The following CAMKMT variants were observed in gnomAD, a reference collection of about 807,000 sequenced individuals.
The protein encoded by CAMKMT is CaM KMT.
A neutral mutation model predicts 48.0 loss-of-function variants in CAMKMT; 53 were observed. The ratio of observed to expected loss-of-function variants is 1.10; its 90% CI spans 0.89 to 1.39. The LOEUF (loss-of-function observed/expected upper bound fraction) is 1.39, where lower values mean the gene tolerates loss of function less well. CAMKMT is among the 40% of genes most tolerant of loss of function. CAMKMT has a pLI of 0.00. For synonymous variants in CAMKMT, 165 were observed against 152.3 expected, an observed-to-expected ratio of 1.08 and a Z score of -0.61; for missense variants, 428 against 402.7, an observed-to-expected ratio of 1.06 and a Z score of -0.54.
At chr2:44,365,253 G>T (rs1009691095) in intron 1 of CAMKMT, among the ~76,000 whole-genome samples, 1 of 152,016 alleles carries the variant, frequency 6.6e-6, no homozygotes, top group Non-Finnish European at 1.5e-5. Flanking sequence ...ACCCTATAGA[G>T]CTCCAAGGCT....
intron 3 of CAMKMT, chr2:44,631,851 A>G (rs569451721): frequency 4.2e-6 from 1 of 239,108 alleles, no homozygotes; most frequent in Non-Finnish European, 7.9e-6. Context: ...TTTAGTGGCT[A>G]TACCTCTTTG....
At chr2:44,592,373 A>G (rs1431644730) in intron 3 of CAMKMT, among the ~76,000 whole-genome samples, 1 of 152,018 alleles carries the variant, frequency 6.6e-6, no homozygotes, top group Non-Finnish European at 1.5e-5. Context: ...GCATAATGTT[A>G]TTTATAATTT....
chr2:44,607,056 A>G (rs1370630091), intron 3 of CAMKMT, among the ~76,000 whole-genome samples: 1 of 152,192 alleles, frequency 6.6e-6, no homozygotes, highest in Non-Finnish European at 1.5e-5. Flanking sequence ...TGGTTTCAAG[A>G]AGTTATTTTG....
At chr2:44,601,095 C>G (rs1670959390) in intron 3 of CAMKMT, among the ~76,000 whole-genome samples, 1 of 151,912 alleles carries the variant, frequency 6.6e-6, no homozygotes, top group Non-Finnish European at 1.5e-5. Context: ...ATAATATAAC[C>G]AATATCAGTT....
At chr2:44,771,924 C>T in intron 10 of CAMKMT, 112 bp from the exon 11 acceptor site, 1 of 704,874 alleles carries the variant, frequency 1.4e-6, no homozygotes, top group South Asian at 2.0e-5. Context: ...TTTATTTTTC[C>T]AGAACTATAT....
At chr2:44,486,235 G>A (rs1458367782) in intron 3 of CAMKMT, among the ~76,000 whole-genome samples, 1 of 152,074 alleles carries the variant, frequency 6.6e-6, no homozygotes. Context: ...CCAAAGTGCT[G>A]GGATTACAGG....
At chr2:44,372,922 C>G (rs1290615016) in intron 2 of CAMKMT, 34 bp downstream of exon 2, 1 of 1,529,922 alleles carries the variant, frequency 6.5e-7, no homozygotes, top group African/African-American at 1.4e-5. Context: ...TTTGTAAACA[C>G]TAGATTTCTC....
intron 3 of CAMKMT, among the ~76,000 whole-genome samples, chr2:44,536,423 C>A (rs1030576792): frequency 2.0e-5 from 3 of 151,618 alleles, no homozygotes; most frequent in Non-Finnish European, 2.9e-5. Flanking sequence ...CTCCTGGGTT[C>A]CAGTGATTCT....
rs553514160 is a variant in CAMKMT, at chr2:44,473,410, A to G, written c.376+83105A>G. ...GAAATAATCCCATTATTGAAGAAGG[A>G]TCATTGTGGTAGATTGAGTGCCAGA... On this transcript the variant is annotated intron_variant, in intron 3 of 10. Transcript: ENST00000378494. Among the ~76,000 whole-genome samples, 12 of 152,358 alleles carry G rather than the reference A, an allele frequency of 7.9e-5. No individual in the cohort carries two copies. The South Asian group carries it at 2.5e-3, about 32-fold the overall frequency.
chr2:44,532,707 T>G (rs927227970), intron 3 of CAMKMT, among the ~76,000 whole-genome samples: 2 of 152,150 alleles, frequency 1.3e-5, no homozygotes, highest in Admixed American at 6.5e-5. Context: ...GGCACATTTG[T>G]AAGGGAGGCA....
chr2:44,652,679 T>C (rs1225815765), intron 3 of CAMKMT, among the ~76,000 whole-genome samples: 1 of 152,162 alleles, frequency 6.6e-6, no homozygotes, highest in East Asian at 1.9e-4. Context: ...TGGTTTAACG[T>C]GAAACAATCA....
chr2:44,710,572 C>T (rs1403169098), intron 6 of CAMKMT, among the ~76,000 whole-genome samples: 3 of 152,054 alleles, frequency 2.0e-5, no homozygotes, highest in Non-Finnish European at 2.9e-5. Flanking sequence ...TTTGGTTTGT[C>T]CAGTTCTCAA....
chr2:44,412,600 T>G (rs977120286), intron 3 of CAMKMT, among the ~76,000 whole-genome samples: 1 of 152,092 alleles, frequency 6.6e-6, no homozygotes, highest in Admixed American at 6.6e-5. Flanking sequence ...CCTCCCAAAG[T>G]GCTGTGTTTA....
chr2:44,611,345 A>T (rs182665589), intron 3 of CAMKMT, among the ~76,000 whole-genome samples: 1,855 of 152,060 alleles, frequency 0.012, 18 homozygotes, highest in Non-Finnish European at 0.016. Flanking sequence ...AGGCAGGAGA[A>T]TCACTTGAAC....
At chr2:44,592,069 G>A (rs1005126718) in intron 3 of CAMKMT, among the ~76,000 whole-genome samples, 2 of 151,580 alleles carry the variant, frequency 1.3e-5, no homozygotes, top group Non-Finnish European at 2.9e-5. Flanking sequence ...GTTGTGGGGT[G>A]GGGGGAAGGG....
chr2:44,422,620 T>G (rs979473819), intron 3 of CAMKMT, among the ~76,000 whole-genome samples: 5 of 152,226 alleles, frequency 3.3e-5, no homozygotes, highest in African/African-American at 9.6e-5. Flanking sequence ...ATCTGTATTT[T>G]GCCTTACTCC....
Position 44,370,855 on chromosome 2 carries a change from A to C in CAMKMT, c.139-1861A>C, listed in dbSNP as rs546967037. ...AGATAGAGCCTCACTCTGTTCCCCA[A>C]TTTGGAGTGCAATGGCTTCATCATT... On this transcript the variant is annotated intron_variant, in intron 1 of 10. Transcript: ENST00000378494. Among the ~76,000 whole-genome samples, 20 of 152,282 alleles carry C rather than the reference A, an allele frequency of 1.3e-4. No homozygotes were observed. The East Asian group carries it at 3.5e-3, about 26-fold the overall frequency.
At chr2:44,758,425 T>C (rs984759226) in intron 9 of CAMKMT, among the ~76,000 whole-genome samples, 6 of 152,278 alleles carry the variant, frequency 3.9e-5, no homozygotes, top group African/African-American at 1.4e-4. Flanking sequence ...CACCTGTGCC[T>C]GAAAAGTCTT....
chr2:44,428,275 A>G (rs1684411985), intron 3 of CAMKMT, among the ~76,000 whole-genome samples: 1 of 152,068 alleles, frequency 6.6e-6, no homozygotes, highest in South Asian at 2.1e-4. Flanking sequence ...TGAGAAGATA[A>G]TCTTCCCCTA....
Sources: allele counts gnomAD v4.1 joint callset (sites outside exome capture counted in the v4.1 genomes callset), GRCh38; gene constraint gnomAD v4.1.1; transcripts MANE v1.5; gene names NCBI Gene and HGNC (gene_info 2026-07-23, HGNC 2026-07-21).